Variants in IRAG2 observed in about 807,000 individuals in gnomAD.
IRAG2 encodes the protein inositol 1,4,5-triphosphate receptor associated 2.
Under a neutral mutation model 69.9 loss-of-function variants are expected in IRAG2, and 45 were observed. That is an observed-to-expected ratio of 0.64 (90% CI 0.51 to 0.83). IRAG2 has a LOEUF of 0.83. Among genes scored for constraint, IRAG2 ranks in the 40% least tolerant of loss-of-function variants. The pLI is 0.00. For missense variants in IRAG2, 520 were observed against 587.0 expected (o/e 0.89, Z 1.18); for synonymous variants, 193 against 202.4 (o/e 0.95, Z 0.40).
At chr12:25,074,841 T>C (rs1946574729) in intron 6 of IRAG2, among the ~76,000 whole-genome samples, 1 of 152,240 alleles carries the variant, frequency 6.6e-6, no homozygotes, top group Admixed American at 6.5e-5. Context: ...GTCTAAGATG[T>C]ACTATCACTG....
intron 17 of IRAG2, 90 bp from the exon 18 acceptor site, chr12:25,103,747 G>T: frequency 1.1e-6 from 1 of 907,136 alleles, no homozygotes; most frequent in South Asian, 1.4e-5. Context: ...CAAGTACACG[G>T]ATATGCATGT....
intron 12 of IRAG2, among the ~76,000 whole-genome samples, chr12:25,032,603 A>G (rs1294345827): frequency 6.6e-6 from 1 of 152,186 alleles, no homozygotes; most frequent in Non-Finnish European, 1.5e-5. Flanking sequence ...AATAATACTC[A>G]TTTATTTCTT....
At chr12:25,107,410 T>C (rs979380454) in intron 21 of IRAG2, among the ~76,000 whole-genome samples, 1 of 151,950 alleles carries the variant, frequency 6.6e-6, no homozygotes, top group African/African-American at 2.4e-5. Context: ...CCACTGGAGG[T>C]CTTGGAGCAT....
At chr12:25,087,917 C>T (rs920945979) in intron 10 of IRAG2, among the ~76,000 whole-genome samples, 183 bp from the exon 11 acceptor site, 8 of 152,168 alleles carry the variant, frequency 5.3e-5, no homozygotes, top group Non-Finnish European at 1.2e-4. Flanking sequence ...CTGTTTCCCC[C>T]TCACCTCACC....
intron 6 of IRAG2, chr12:25,076,564 C>A: frequency 3.0e-6 from 3 of 984,258 alleles, no homozygotes; most frequent in South Asian, 4.7e-5. Flanking sequence ...AAACTGGAAA[C>A]TGGCATAATG....
At chr12:25,049,046 G>C (rs1944819570), upstream of IRAG2, among the ~76,000 whole-genome samples, 1 of 152,192 alleles carries the variant, frequency 6.6e-6, no homozygotes, top group African/African-American at 2.4e-5. Flanking sequence ...TCAAAGATCA[G>C]ATGGTTGCTG....
intron 14 of IRAG2, among the ~76,000 whole-genome samples, chr12:25,091,824 T>C (rs371416817): frequency 9.2e-5 from 14 of 152,224 alleles, no homozygotes; most frequent in African/African-American, 3.1e-4. Flanking sequence ...AGGTGGTATC[T>C]TATTGTGGTT....
At chr12:25,051,083 T>C (rs1363783910), upstream of IRAG2, among the ~76,000 whole-genome samples, 1 of 152,148 alleles carries the variant, frequency 6.6e-6, no homozygotes, top group Non-Finnish European at 1.5e-5. Flanking sequence ...TAATACTGTA[T>C]TGTACACTTA....
Position 25,088,066 on chromosome 12 carries a change from C to T in IRAG2, c.316-34C>T, listed in dbSNP as rs768620392. ...AATGACTGGTTATGAAGTATTTCCACTCTATGTACAGTGGTAAAATCTTAT... is the reference window on the plus strand; with the variant it reads ...AATGACTGGTTATGAAGTATTTCCATTCTATGTACAGTGGTAAAATCTTAT... On this transcript the variant is annotated intron_variant, in intron 10 of 21. Coordinates refer to ENST00000556887, the MANE Select transcript of IRAG2 (RefSeq NM_001366544.2). 6.7e-6 allele frequency: 10 copies of T among 1,481,652 alleles called. No homozygotes were observed. The South Asian group carries it at 1.0e-4, about 15-fold the overall frequency. 91.8% of individuals were successfully genotyped at this position (1,481,652 alleles called of 1,614,324 possible). A position where few individuals can be genotyped will look rare whatever the true frequency, so the allele number is the denominator to read the frequency against.
At chr12:24,999,522 A>C (rs1158421215), upstream of IRAG2, among the ~76,000 whole-genome samples, 2 of 152,262 alleles carry the variant, frequency 1.3e-5, no homozygotes, top group Non-Finnish European at 2.9e-5. Flanking sequence ...GATTAGCAAC[A>C]TAAGCAGTAT....
upstream of IRAG2, among the ~76,000 whole-genome samples, chr12:25,050,760 T>A (rs986193518): frequency 2.0e-5 from 3 of 152,072 alleles, no homozygotes; most frequent in Non-Finnish European, 2.9e-5. Context: ...ATAAAGAAAA[T>A]TTGGTATATA....
intron 16 of IRAG2, among the ~76,000 whole-genome samples, chr12:25,047,142 T>C (rs1301237070): frequency 6.6e-6 from 1 of 152,112 alleles, no homozygotes; most frequent in African/African-American, 2.4e-5. Context: ...AGAATGAAAT[T>C]GGACTCTTAT....
intron 16 of IRAG2, among the ~76,000 whole-genome samples, chr12:25,041,770 G>A (rs1944752315): frequency 6.7e-6 from 1 of 148,534 alleles, no homozygotes; most frequent in Non-Finnish European, 1.5e-5. Context: ...GCCTCCCAAA[G>A]TGCTGGGATT....
At chr12:25,058,627 G>A (rs1053154841) in intron 1 of IRAG2, among the ~76,000 whole-genome samples, 7 of 152,096 alleles carry the variant, frequency 4.6e-5, no homozygotes, top group Non-Finnish European at 8.8e-5. Flanking sequence ...ACATGATAAC[G>A]GCTCTAATAA....
intron 10 of IRAG2, among the ~76,000 whole-genome samples, chr12:25,084,778 C>T (rs894820327): frequency 2.6e-5 from 4 of 152,186 alleles, no homozygotes; most frequent in Non-Finnish European, 4.4e-5. Flanking sequence ...TGATGTCATT[C>T]GTTTCCTTTG....
intron 6 of IRAG2, among the ~76,000 whole-genome samples, chr12:25,071,980 G>A (rs193036713): frequency 6.6e-6 from 1 of 152,216 alleles, no homozygotes; most frequent in African/African-American, 2.4e-5. Context: ...GAGGCAGGTG[G>A]ATCACCTGAG....
Position 25,108,152 on chromosome 12 carries a change from T to C in IRAG2, c.*92T>C, listed in dbSNP as rs1949348685. The C allele has an allele frequency of 1.4e-6, 2 of 1,414,310 alleles. No individual in the cohort carries two copies. Among genetic ancestry groups the C allele is most frequent in the Non-Finnish European group, 9.6e-7 (1 of 1,037,684 alleles). 87.6% of individuals were successfully genotyped at this position (1,414,310 alleles called of 1,614,324 possible). On this transcript the variant is annotated 3_prime_UTR_variant, in exon 22 of 22. Coordinates refer to ENST00000556887, the MANE Select transcript of IRAG2 (RefSeq NM_001366544.2). ...AACTTTTAGCTGGGAAAGTATAGCA[T>C]GAAACCAGAGGTTCTCAGAATGACT... is the stretch of plus-strand genomic sequence containing the variant.
intron 1 of IRAG2, among the ~76,000 whole-genome samples, chr12:25,060,073 C>A (rs2139956248): frequency 6.6e-6 from 1 of 152,268 alleles, no homozygotes; most frequent in East Asian, 1.9e-4. Flanking sequence ...TAATATGCTT[C>A]CATCTAGCAG....
At chr12:25,008,435 C>T (rs1795531774) in intron 2 of IRAG2, among the ~76,000 whole-genome samples, 1 of 151,986 alleles carries the variant, frequency 6.6e-6, no homozygotes, top group Admixed American at 6.6e-5. Flanking sequence ...AACCATGTCT[C>T]CACTAAAAAT....
Sources: gnomAD v4.1 joint callset for allele counts (sites outside exome capture counted in the v4.1 genomes callset) on GRCh38, gnomAD v4.1.1 for gene constraint, MANE v1.5 for transcripts, NCBI Gene and HGNC (gene_info 2026-07-23, HGNC 2026-07-21) for gene names.